Variants in COL25A1 observed in about 807,000 individuals in gnomAD.
COL25A1 encodes the protein collagen type XXV alpha 1 chain.
In COL25A1, 103 loss-of-function variants were observed where a neutral mutation model predicts 128.4. That is an observed-to-expected ratio of 0.80 (90% CI 0.68 to 0.94). The LOEUF (loss-of-function observed/expected upper bound fraction) is 0.94, where lower values mean the gene tolerates loss of function less well. Ranked by LOEUF, COL25A1 falls within the 40% of genes least tolerant of loss-of-function variation. COL25A1 has a pLI of 0.00. For synonymous variants in COL25A1, 279 were observed against 277.2 expected, an observed-to-expected ratio of 1.01 and a Z score of -0.06; for missense variants, 745 against 840.0, an observed-to-expected ratio of 0.89 and a Z score of 1.40.
chr4:109,056,503 C>T (rs1761458499), intron 3 of COL25A1, among the ~76,000 whole-genome samples: 1 of 151,894 alleles, frequency 6.6e-6, no homozygotes, highest in South Asian at 2.1e-4. Context: ...CACAAATATG[C>T]TTATTTTCAA....
At chr4:108,862,598 AACAG>A (rs201851003) in intron 21 of COL25A1, 53 bp from the exon 22 acceptor site, 1 of 1,483,660 alleles carries the variant, frequency 6.7e-7, no homozygotes, top group Non-Finnish European at 9.4e-7. Flanking sequence ...AAGAGATAAG[AACAG>A]AAAAATAGAA....
chr4:108,994,258 T>C (rs115058828), intron 6 of COL25A1, among the ~76,000 whole-genome samples: 6,951 of 152,250 alleles, frequency 0.046, 450 homozygotes, highest in African/African-American at 0.14. Flanking sequence ...GACCAAATAG[T>C]GTACTTTTCC....
Position 108,872,681 on chromosome 4 carries a change from GAT to G in COL25A1, c.1021-3533_1021-3532del, listed in dbSNP as rs74986915. Among the ~76,000 whole-genome samples, 98 of 112,576 alleles carry G rather than the reference GAT, an allele frequency of 8.7e-4. 1 individual carries two copies. Among genetic ancestry groups the G allele is most frequent in the African/African-American group, 3.1e-3 (69 of 22,616 alleles). The allele number at this position is 112,576 out of a possible 152,430, so 73.9% of individuals were successfully genotyped here. A position where few individuals can be genotyped will look rare whatever the true frequency, so the allele number is the denominator to read the frequency against. On this transcript the variant is annotated intron_variant, in intron 19 of 37. Transcript: ENST00000399132. ...TTCTATTAAGTCAGGCATTAGATTT[GAT>G]ATATATATACACACACACACACACA...
intron 11 of COL25A1, among the ~76,000 whole-genome samples, chr4:108,933,927 G>C (rs766655872): frequency 6.6e-6 from 1 of 151,510 alleles, no homozygotes; most frequent in Admixed American, 6.6e-5. Context: ...TCCTCCTCAC[G>C]ATTCCTCAAG....
At chr4:108,940,725 G>A (rs1406224731) in intron 9 of COL25A1, 79 bp from the exon 10 acceptor site, 2 of 885,820 alleles carry the variant, frequency 2.3e-6, no homozygotes, top group South Asian at 1.7e-5. Flanking sequence ...CCTTAAATTT[G>A]TATTATCTAA....
rs1348063798 is a variant in COL25A1 at position 108,819,297 on chromosome 4, C to T, written c.1878G>A (p.Glu626=). 6.2e-7 allele frequency: 1 copy of T among 1,613,348 alleles called. No homozygotes were observed. The highest frequency in any genetic ancestry group is 8.5e-7 in the Non-Finnish European group (1 of 1,179,778). ...GFRGVKGEKG[E]PGQPGLDGLD... Reference sequence around the variant, plus strand: ...GCCCATCCAGGCCAGGCTGGCCTGGCTCCCCTTTTTCCCCCTTAACGCCAC... The same window carrying T: ...GCCCATCCAGGCCAGGCTGGCCTGGTTCCCCTTTTTCCCCCTTAACGCCAC... Residue 626 remains glutamate, a synonymous_variant, in exon 36 of 38, where the codon GAG becomes GAA. Transcript: ENST00000399132.
At chr4:109,171,505 G>C (rs573389722) in intron 3 of COL25A1, among the ~76,000 whole-genome samples, 7 of 152,200 alleles carry the variant, frequency 4.6e-5, no homozygotes, top group African/African-American at 1.7e-4. Context: ...CCAGATTATG[G>C]CATTTTGTTA....
chr4:109,014,122 T>C (rs1251656478), intron 5 of COL25A1, among the ~76,000 whole-genome samples: 1 of 151,858 alleles, frequency 6.6e-6, no homozygotes, highest in African/African-American at 2.4e-5. Context: ...GCCTGGCAAA[T>C]ATGGTGAAAC....
chr4:109,082,146 A>G (rs1403773531), intron 3 of COL25A1, among the ~76,000 whole-genome samples: 1 of 152,162 alleles, frequency 6.6e-6, no homozygotes, highest in Admixed American at 6.5e-5. Context: ...ACTACATTCA[A>G]TTTCATAGCT....
intron 14 of COL25A1, 138 bp downstream of exon 14, chr4:108,900,981 T>C (rs1742772466): frequency 1.6e-6 from 1 of 611,128 alleles, no homozygotes; most frequent in Admixed American, 2.9e-5. Context: ...AGTTCTATAC[T>C]ATAGCATATT....
intron 3 of COL25A1, among the ~76,000 whole-genome samples, chr4:109,141,446 CATAGA>C (rs910339771): frequency 3.9e-5 from 6 of 152,150 alleles, no homozygotes; most frequent in African/African-American, 9.7e-5. Flanking sequence ...ATGCTGGCAT[CATAGA>C]ATTAGTTAGG....
chr4:109,239,032 AG>A (rs1779656358), intron 3 of COL25A1, among the ~76,000 whole-genome samples: 1 of 152,014 alleles, frequency 6.6e-6, no homozygotes, highest in South Asian at 2.1e-4. Context: ...AGGCCCAATA[AG>A]GGCAATGACA....
chr4:109,115,981 G>C (rs1036792948), intron 3 of COL25A1, among the ~76,000 whole-genome samples: 2 of 152,008 alleles, frequency 1.3e-5, no homozygotes, highest in Non-Finnish European at 2.9e-5. Flanking sequence ...TGAGGGAACA[G>C]GACAAATCAC....
At chr4:109,297,066 C>T (rs189940145) in intron 3 of COL25A1, among the ~76,000 whole-genome samples, 458 of 152,132 alleles carry the variant, frequency 3.0e-3, no homozygotes, top group Non-Finnish European at 5.0e-3. Context: ...ACTGCTAAAC[C>T]AAATATTCTG....
At chr4:109,133,568 C>G (rs1246519259) in intron 3 of COL25A1, among the ~76,000 whole-genome samples, 1 of 151,950 alleles carries the variant, frequency 6.6e-6, no homozygotes, top group Admixed American at 6.6e-5. Flanking sequence ...CTCTCCTTAT[C>G]AAAATATTCT....
chr4:108,874,622 T>C (rs1157100128), intron 19 of COL25A1, among the ~76,000 whole-genome samples: 4 of 152,194 alleles, frequency 2.6e-5, no homozygotes, highest in African/African-American at 9.6e-5. Context: ...AATGTGGTTT[T>C]AAACAGGCAG....
chr4:109,302,021 G>C lies in COL25A1; in HGVS notation c.-2C>G, dbSNP rs758629198. On this transcript the variant is annotated 5_prime_UTR_variant, in exon 2 of 38. Coordinates refer to ENST00000399132, the MANE Select transcript of COL25A1 (RefSeq NM_198721.4). ...CCCTGCGTGCTTCTTCAGCAGCATC[G>C]TGGCGGGGTCGGCCGTCTCGGCTTC... The C allele has an allele frequency of 1.3e-6, 2 of 1,580,328 alleles. No homozygotes were observed. The highest frequency in any genetic ancestry group is 1.3e-5 in the African/African-American group (1 of 74,328).
chr4:109,177,897 G>T (rs952190692), intron 3 of COL25A1, among the ~76,000 whole-genome samples: 54 of 152,140 alleles, frequency 3.5e-4, no homozygotes, highest in African/African-American at 1.3e-3. Context: ...TATAAATATT[G>T]CAAAAGAGCA....
chr4:109,227,065 A>T (rs1778854504), intron 3 of COL25A1, among the ~76,000 whole-genome samples: 2 of 152,222 alleles, frequency 1.3e-5, no homozygotes, highest in Non-Finnish European at 2.9e-5. Flanking sequence ...TTGATCACAA[A>T]CTGTGACAGG....
Sources: allele counts gnomAD v4.1 joint callset (sites outside exome capture counted in the v4.1 genomes callset), GRCh38; gene constraint gnomAD v4.1.1; transcripts MANE v1.5; gene names NCBI Gene and HGNC (gene_info 2026-07-23, HGNC 2026-07-21).